Variants in HACL1 observed in about 807,000 individuals in gnomAD.
The protein encoded by HACL1 is 2-hydroxyacyl-CoA lyase 1.
A neutral mutation model predicts 74.2 loss-of-function variants in HACL1; 64 were observed. The observed-to-expected ratio is 0.86, with a 90% CI of 0.70 to 1.06. The LOEUF (loss-of-function observed/expected upper bound fraction) is 1.06, where lower values mean the gene tolerates loss of function less well. Ranked by LOEUF, HACL1 falls within the 50% of genes least tolerant of loss-of-function variation. The pLI, the probability that HACL1 is intolerant of heterozygous loss-of-function variation, is 0.00. For missense variants in HACL1, 728 were observed against 719.7 expected, an observed-to-expected ratio of 1.01 and a Z score of -0.13; for synonymous variants, 230 against 238.8, an observed-to-expected ratio of 0.96 and a Z score of 0.34.
chr3:15,575,652 C>T (rs1328618762), intron 9 of HACL1, among the ~76,000 whole-genome samples: 1 of 152,142 alleles, frequency 6.6e-6, no homozygotes, highest in Admixed American at 6.5e-5. Flanking sequence ...AGCAACCCTC[C>T]TACCTCAGCC....
At chr3:15,573,925 G>A (rs539088933) in intron 10 of HACL1, among the ~76,000 whole-genome samples, 20 of 152,348 alleles carry the variant, frequency 1.3e-4, no homozygotes, top group African/African-American at 4.3e-4. Flanking sequence ...GGGCAATCAA[G>A]AGGTATTGGC....
At chr3:15,579,593 T>C (rs1415191129) in intron 9 of HACL1, among the ~76,000 whole-genome samples, 1 of 152,136 alleles carries the variant, frequency 6.6e-6, no homozygotes, top group East Asian at 1.9e-4. Context: ...ATATTCAAGA[T>C]TTGAGAATCC....
intron 7 of HACL1, among the ~76,000 whole-genome samples, chr3:15,584,809 T>A (rs761560235): frequency 1.3e-5 from 2 of 152,208 alleles, no homozygotes; most frequent in African/African-American, 4.8e-5. Context: ...TTAAGAAATA[T>A]GAGAATATGA....
intron 3 of HACL1, among the ~76,000 whole-genome samples, 165 bp from the exon 4 acceptor site, chr3:15,591,845 GATATAT>G (rs998172089): frequency 6.7e-6 from 1 of 149,886 alleles, no homozygotes; most frequent in Non-Finnish European, 1.5e-5. Flanking sequence ...AAAACAAGGC[GATATAT>G]ATATATCGCG....
intron 3 of HACL1, among the ~76,000 whole-genome samples, 195 bp from the exon 4 acceptor site, chr3:15,591,875 C>CACACATAT (rs2063903479): frequency 6.7e-6 from 1 of 149,972 alleles, no homozygotes; most frequent in African/African-American, 2.5e-5. Context: ...TATATACATA[C>CACACATAT]ACACATATAC....
At chr3:15,592,396 A>G (rs978261090) in intron 3 of HACL1, among the ~76,000 whole-genome samples, 2 of 151,214 alleles carry the variant, frequency 1.3e-5, no homozygotes, top group East Asian at 1.9e-4. Flanking sequence ...ACACACGTGT[A>G]TACATGTAGA....
At chr3:15,587,293 T>A (rs1481772936) in intron 5 of HACL1, among the ~76,000 whole-genome samples, 3 of 147,002 alleles carry the variant, frequency 2.0e-5, no homozygotes, top group African/African-American at 7.6e-5. Context: ...TTCTTTCTCT[T>A]CTGTTTTTAA....
In HACL1 at chr3:15,571,707, A is replaced by G. The variant is rs765695362; in HGVS notation, c.1056T>C (p.Thr352=). The part of the protein sequence containing the change: ...QYPPESKWWK[T]LREKMKSNEA... ...CATTGCTCTTCATTTTTTCTCTCAG[A>G]GTTTTCCACCACTTGCTCTCTGGAG... The change falls in exon 12 of 17, where the codon ACT becomes ACC. Residue 352 remains threonine, a synonymous_variant. Coordinates refer to ENST00000321169, the MANE Select transcript of HACL1 (RefSeq NM_012260.4). The G allele has an allele frequency of 1.3e-6, 2 of 1,548,000 alleles. No homozygotes were observed. The highest frequency in any genetic ancestry group is 1.7e-5 in the Admixed American group (1 of 59,484).
At chr3:15,568,120 AT>A in intron 13 of HACL1, 118 bp from the exon 14 acceptor site, 1 of 875,118 alleles carries the variant, frequency 1.1e-6, no homozygotes, top group Non-Finnish European at 1.8e-6. Flanking sequence ...CCATAAAAAC[AT>A]TCTCTTTCTT....
chr3:15,592,333 CTG>C (rs1259006590), intron 3 of HACL1, among the ~76,000 whole-genome samples: 2 of 140,044 alleles, frequency 1.4e-5, no homozygotes, highest in African/African-American at 3.1e-5. Context: ...TATATATACT[CTG>C]GGCACCAGAG....
At chr3:15,599,096 G>A (rs1433766134) in intron 2 of HACL1, among the ~76,000 whole-genome samples, 1 of 152,218 alleles carries the variant, frequency 6.6e-6, no homozygotes, top group Non-Finnish European at 1.5e-5. Flanking sequence ...GTGGGAAGCT[G>A]AGCCTGGGTA....
intron 7 of HACL1, 71 bp downstream of exon 7, chr3:15,585,177 C>A (rs2063772512): frequency 1.3e-6 from 1 of 760,226 alleles, no homozygotes; most frequent in East Asian, 2.6e-5. Flanking sequence ...TGGGTAAATT[C>A]TTCTAAAAAG....
At chr3:15,566,001 T>C (rs2063428627) in intron 14 of HACL1, among the ~76,000 whole-genome samples, 1 of 152,212 alleles carries the variant, frequency 6.6e-6, no homozygotes, top group Admixed American at 6.5e-5. Context: ...GGGGTATGCA[T>C]AGGTTATTTG....
At chr3:15,578,325 T>C (rs1469064567) in intron 9 of HACL1, among the ~76,000 whole-genome samples, 1 of 152,104 alleles carries the variant, frequency 6.6e-6, no homozygotes, top group Non-Finnish European at 1.5e-5. Flanking sequence ...TATTTCATAA[T>C]AAAGACATTT....
At chr3:15,565,643 A>G (rs1480694113) in intron 14 of HACL1, among the ~76,000 whole-genome samples, 5 of 152,274 alleles carry the variant, frequency 3.3e-5, no homozygotes, top group African/African-American at 7.2e-5. Flanking sequence ...ATACTGTTAA[A>G]TAACAGGACT....
At chr3:15,576,012 TGGTTG>T (rs2063617891) in intron 9 of HACL1, among the ~76,000 whole-genome samples, 1 of 110,990 alleles carries the variant, frequency 9.0e-6, no homozygotes, top group Non-Finnish European at 1.8e-5. Flanking sequence ...AAAAATTAGC[TGGTTG>T]TGGTGGTGCG....
chr3:15,584,699 G>A (rs1279003079), intron 7 of HACL1, among the ~76,000 whole-genome samples: 2 of 152,138 alleles, frequency 1.3e-5, no homozygotes, highest in Non-Finnish European at 2.9e-5. Flanking sequence ...GCACTAAACA[G>A]TACCCATGAT....
chr3:15,571,730 G>C lies in HACL1; in HGVS notation c.1033C>G (p.Pro345Ala). The part of the protein sequence containing the change: ...ELDKTPWQYP[P>A]ESKWWKTLRE... ...AGAGTTTTCCACCACTTGCTCTCTG[G>C]AGGATACTGCCATGGTGTTTTATCA... The change falls in exon 12 of 17, where the codon CCA (proline) becomes GCA (alanine). Residue 345 changes from proline (P) to alanine (A), a missense_variant. Coordinates refer to ENST00000321169, the MANE Select transcript of HACL1 (RefSeq NM_012260.4). 1 of 1,524,990 alleles carries C rather than the reference G, an allele frequency of 6.6e-7. No homozygotes were observed. The highest frequency in any genetic ancestry group is 9.0e-7 in the Non-Finnish European group (1 of 1,105,132). 94.5% of individuals were successfully genotyped at this position (1,524,990 alleles called of 1,614,324 possible). A position where few individuals can be genotyped will look rare whatever the true frequency, so the allele number is the denominator to read the frequency against.
intron 9 of HACL1, among the ~76,000 whole-genome samples, chr3:15,576,983 CT>C (rs1223838665): frequency 3.9e-5 from 6 of 152,150 alleles, no homozygotes; most frequent in Non-Finnish European, 8.8e-5. Context: ...TTTATAGTCC[CT>C]TGTAACCTTT....
Sources: allele counts gnomAD v4.1 joint callset (sites outside exome capture counted in the v4.1 genomes callset), GRCh38; gene constraint gnomAD v4.1.1; transcripts MANE v1.5; gene names NCBI Gene and HGNC (gene_info 2026-07-23, HGNC 2026-07-21).